The following TENM1 variants were observed in gnomAD, a reference collection of about 807,000 sequenced individuals.
TENM1 encodes teneurin transmembrane protein 1, also known as teneurin-1.
TENM1 carries 35 observed loss-of-function variants against 174.8 expected under a neutral mutation model. The ratio of observed to expected loss-of-function variants is 0.20; its 90% CI spans 0.15 to 0.27. The LOEUF is 0.27. Among genes scored for constraint, TENM1 ranks in the 10% least tolerant of loss-of-function variants. The probability of loss-of-function intolerance (pLI) is 1.00; values close to 1 mark genes in which losing one functional copy is unlikely to be tolerated. For missense variants in TENM1, 1,633 were observed against 2,130.1 expected (o/e 0.77, Z 4.59); for synonymous variants, 781 against 798.7 (o/e 0.98, Z 0.37).
chrX:124,888,304 T>C (rs2057421975), intron 3 of TENM1, among the ~76,000 whole-genome samples: 1 of 111,578 alleles, frequency 9.0e-6, no homozygotes, highest in Admixed American at 9.5e-5. Context: ...CCTGTAAAGT[T>C]GCTGAACAGA....
chrX:125,066,344 T>C, the TENM1 span, among the ~76,000 whole-genome samples: 1 of 111,686 alleles, frequency 9.0e-6, no homozygotes, highest in African/African-American at 3.3e-5. Flanking sequence ...GAGTCCCTCC[T>C]CCCAATAAGC....
chrX:124,706,552 G>A (rs908256025), intron 4 of TENM1, among the ~76,000 whole-genome samples: 4 of 111,729 alleles, frequency 3.6e-5, no homozygotes, highest in Non-Finnish European at 7.5e-5. Context: ...TCATGCAAAT[G>A]GAGTCATGCT....
chrX:124,732,434 A>T (rs1469001455), intron 4 of TENM1, among the ~76,000 whole-genome samples: 1 of 112,019 alleles, frequency 8.9e-6, no homozygotes, highest in Non-Finnish European at 1.9e-5. Flanking sequence ...GGAACATCAA[A>T]TCTGCTCACG....
intron 3 of TENM1, among the ~76,000 whole-genome samples, chrX:124,787,142 T>A (rs1249484801): frequency 9.0e-6 from 1 of 111,583 alleles, no homozygotes; most frequent in Non-Finnish European, 1.9e-5. Flanking sequence ...TTCATTACAG[T>A]GCTAATTTTT....
Position 124,705,214 on chromosome X carries a change from T to TCC in TENM1, c.813_814insGG (p.Ile272GlyfsTer12). On this transcript the variant is annotated frameshift_variant, in exon 5 of 32. Transcript: ENST00000422452. LOFTEE classifies it high-confidence loss of function. ...TAGTTCTGACTGGCTGCACTGAAGATCGCAGAGGAACCAGATCCATGTTTG... is the reference window on the plus strand; with the variant it reads ...TAGTTCTGACTGGCTGCACTGAAGATCCCGCAGAGGAACCAGATCCATGTTTG... 8.3e-7 allele frequency: 1 copy of TCC among 1,205,623 alleles called. No homozygotes were observed. The highest frequency in any genetic ancestry group is 1.1e-6 in the Non-Finnish European group (1 of 891,823).
the TENM1 span, among the ~76,000 whole-genome samples, chrX:125,003,821 T>C: frequency 5.4e-4 from 60 of 111,376 alleles, no homozygotes; most frequent in African/African-American, 1.8e-3. Flanking sequence ...TCTAAATACA[T>C]CTGCACAATG....
chrX:124,953,997 A>G (rs2058532254), intron 1 of TENM1, among the ~76,000 whole-genome samples: 1 of 111,992 alleles, frequency 8.9e-6, no homozygotes, highest in South Asian at 3.7e-4. Flanking sequence ...CAGAAGCAGC[A>G]AGACCAAAGA....
At chrX:124,724,272 G>A (rs985786170) in intron 4 of TENM1, among the ~76,000 whole-genome samples, 20 of 112,046 alleles carry the variant, frequency 1.8e-4, no homozygotes, top group Non-Finnish European at 3.0e-4. Context: ...TTTGTTGAAC[G>A]ATATGAGCCA....
chrX:124,505,642 G>A (rs1284209547), intron 18 of TENM1, among the ~76,000 whole-genome samples: 1 of 111,670 alleles, frequency 9.0e-6, no homozygotes, highest in Non-Finnish European at 1.9e-5. Flanking sequence ...CACTGGTAGC[G>A]TAGTGGGAGG....
chrX:125,177,175 A>C, the TENM1 span, among the ~76,000 whole-genome samples: 1 of 112,437 alleles, frequency 8.9e-6, no homozygotes, highest in Non-Finnish European at 1.9e-5. Flanking sequence ...TTTGCAAATA[A>C]GACGAGAACA....
chrX:125,114,361 C>A, the TENM1 span, among the ~76,000 whole-genome samples: 3 of 109,968 alleles, frequency 2.7e-5, no homozygotes, highest in Non-Finnish European at 5.7e-5. Context: ...ATTAGAGAAG[C>A]AAGAGAAAAC....
At chrX:124,778,464 G>A (rs2054833957) in intron 3 of TENM1, among the ~76,000 whole-genome samples, 1 of 112,344 alleles carries the variant, frequency 8.9e-6, no homozygotes, top group African/African-American at 3.2e-5. Flanking sequence ...CTGGGTTTTA[G>A]CTGAACTAAG....
At chrX:124,639,495 C>T (rs2050959530) in intron 11 of TENM1, among the ~76,000 whole-genome samples, 1 of 111,881 alleles carries the variant, frequency 8.9e-6, no homozygotes, top group African/African-American at 3.2e-5. Flanking sequence ...AACAATGATA[C>T]ATTTTTATAT....
the TENM1 span, among the ~76,000 whole-genome samples, chrX:125,152,864 T>C: frequency 1.8e-5 from 2 of 111,819 alleles, no homozygotes; most frequent in Non-Finnish European, 3.8e-5. Flanking sequence ...ATCCCAAACA[T>C]CCAATTTCTT....
intron 1 of TENM1, among the ~76,000 whole-genome samples, chrX:124,943,896 C>A (rs765905600): frequency 8.9e-6 from 1 of 111,825 alleles, no homozygotes; most frequent in African/African-American, 3.2e-5. Flanking sequence ...TAATTCTCTA[C>A]AATTAATCAG....
At chrX:124,588,914 G>T (rs1299861146) in intron 11 of TENM1, among the ~76,000 whole-genome samples, 1 of 110,004 alleles carries the variant, frequency 9.1e-6, no homozygotes, top group African/African-American at 3.3e-5. Flanking sequence ...TAATTGCTGT[G>T]GCTAGCACTT....
the TENM1 span, among the ~76,000 whole-genome samples, chrX:124,978,022 G>A: frequency 1.6e-4 from 14 of 85,654 alleles, no homozygotes; most frequent in African/African-American, 5.9e-4. Context: ...GAGAGAGAGA[G>A]ATCTTTTTCC....
At chrX:125,033,924 C>G in the TENM1 span, among the ~76,000 whole-genome samples, 2 of 111,902 alleles carry the variant, frequency 1.8e-5, no homozygotes, top group African/African-American at 6.5e-5. Context: ...CAGAAAAATA[C>G]ATACATGCTT....
At chrX:124,722,507 T>A (rs1046478018) in intron 4 of TENM1, among the ~76,000 whole-genome samples, 41 of 111,276 alleles carry the variant, frequency 3.7e-4, no homozygotes, top group African/African-American at 1.2e-3. Context: ...GCAAACTTTT[T>A]ATTTTATTTT....
Sources: gnomAD v4.1 joint callset for allele counts (sites outside exome capture counted in the v4.1 genomes callset) on GRCh38, gnomAD v4.1.1 for gene constraint, MANE v1.5 for transcripts, NCBI Gene and HGNC (gene_info 2026-07-23, HGNC 2026-07-21) for gene names.